The following GAS6 variants were observed in gnomAD, a reference collection of about 807,000 sequenced individuals.
GAS6 encodes growth arrest-specific protein 6.
Under a neutral mutation model 75.8 loss-of-function variants are expected in GAS6, and 41 were observed. The observed-to-expected ratio is 0.54, with a 90% CI of 0.42 to 0.70. The LOEUF (loss-of-function observed/expected upper bound fraction) is 0.70. Among genes scored for constraint, GAS6 ranks in the 30% least tolerant of loss-of-function variants. The pLI, the probability that GAS6 is intolerant of heterozygous loss-of-function variation, is 0.00. For missense variants in GAS6, 854 were observed against 940.2 expected (o/e 0.91, Z 1.20); for synonymous variants, 432 against 412.6 (o/e 1.05, Z -0.57).
chr13:113,835,966 G>A, intron 6 of GAS6: 3 of 1,098,638 alleles, frequency 2.7e-6, no homozygotes, highest in Non-Finnish European at 3.3e-6. Context: ...AGGACACGGG[G>A]CCGTAAAAAG....
At chr13:113,834,915 C>G (rs534854702) in intron 7 of GAS6, among the ~76,000 whole-genome samples, 1 of 152,372 alleles carries the variant, frequency 6.6e-6, no homozygotes, top group South Asian at 2.1e-4. Context: ...CAGGAGGGTG[C>G]TCCCAACGAG....
chr13:113,852,600 G>A (rs757761170), intron 2 of GAS6, among the ~76,000 whole-genome samples: 10 of 152,192 alleles, frequency 6.6e-5, no homozygotes, highest in Non-Finnish European at 1.3e-4. Context: ...CTCTGCTCAG[G>A]AGGGCAGTGG....
intron 3 of GAS6, chr13:113,847,180 G>A (rs540847542): frequency 6.8e-5 from 20 of 292,874 alleles, no homozygotes; most frequent in South Asian, 2.8e-4. Context: ...GGCGCAGAAC[G>A]GCACGGATGA....
rs527865341 is a variant in GAS6, at chr13:113,864,072, G to A, written c.-152C>T. 1,471 of 805,104 alleles carry A rather than the reference G, an allele frequency of 1.8e-3. 4 individuals carry two copies. Among genetic ancestry groups the A allele is most frequent in the East Asian group, 0.016 (133 of 8,374 alleles). 49.9% of individuals were successfully genotyped at this position (805,104 alleles called of 1,614,324 possible). Reference sequence around the variant, plus strand: ...GGCGGCTGCGGCACCTCAAGCGCTCGGTCTGGGCGTGTTCGGGCGGCTGCG... The same window carrying A: ...GGCGGCTGCGGCACCTCAAGCGCTCAGTCTGGGCGTGTTCGGGCGGCTGCG... On this transcript the variant is annotated 5_prime_UTR_variant, in exon 1 of 15. Transcript: ENST00000327773.
At position 113,838,149 on chromosome 13, in the gene GAS6, A is replaced by G; in HGVS notation, c.509T>C (p.Ile170Thr). The G allele has an allele frequency of 6.2e-7, 1 of 1,612,930 alleles. No homozygotes were observed. The highest frequency in any genetic ancestry group is 1.1e-5 in the South Asian group (1 of 91,084). The part of the protein sequence containing the change: ...CSQENGGCLQ[I>T]CHNKPGSFHC... ...GAAGCTACCCGGCTTGTTGTGGCAGATCTGGAGGCAGCCCCCGTTCTCCTG... is the reference window on the plus strand; with the variant it reads ...GAAGCTACCCGGCTTGTTGTGGCAGGTCTGGAGGCAGCCCCCGTTCTCCTG... Residue 170 changes from isoleucine to threonine, a missense_variant, in exon 6 of 15, where the codon ATC (isoleucine) becomes ACC (threonine). Coordinates refer to ENST00000327773, the MANE Select transcript of GAS6 (RefSeq NM_000820.4).
chr13:113,824,911 T>C lies in GAS6; in HGVS notation c.1478-1361A>G, dbSNP rs117058249. 1.1e-3 allele frequency among the ~76,000 whole-genome samples: 160 copies of C among 152,248 alleles called. 1 individual carries two copies. The East Asian group carries it at 0.024, about 23-fold the overall frequency. On this transcript the variant is annotated intron_variant, in intron 12 of 14. Coordinates refer to ENST00000327773, the MANE Select transcript of GAS6 (RefSeq NM_000820.4). ...CCATAACCTGTGAAGGGAGAGATGA[T>C]GGTGTTCTTTAAAATGGAAGCTCCC...
intron 4 of GAS6, chr13:113,841,736 C>T (rs77234782): frequency 8.1e-6 from 1 of 123,516 alleles, no homozygotes. Flanking sequence ...CCACAGTTTC[C>T]TCCATATGCC....
rs1223079204 is a variant in GAS6 at position 113,837,871 on chromosome 13, G to C, written c.589+198C>G. Among the ~76,000 whole-genome samples the C allele has an allele frequency of 1.3e-5, 2 of 152,192 alleles. No homozygotes were observed. Among genetic ancestry groups the C allele is most frequent in the Non-Finnish European group, 2.9e-5 (2 of 68,028 alleles). On this transcript the variant is annotated intron_variant, in intron 6 of 14. Transcript: ENST00000327773. This position sits in a 1 kb window ranked among gnomAD's most constrained non-coding sequence, Gnocchi z 5.1. Reference sequence around the variant, plus strand: ...CTGAGTCCTGGCCCTCAGATGCCGGGTGAGTCATCCTGGTGTGGTGCCGAG... The same window carrying C: ...CTGAGTCCTGGCCCTCAGATGCCGGCTGAGTCATCCTGGTGTGGTGCCGAG...
chr13:113,823,259 G>A, intron 13 of GAS6, 116 bp downstream of exon 13: 1 of 1,195,588 alleles, frequency 8.4e-7, no homozygotes, highest in East Asian at 2.5e-5. Flanking sequence ...CTGGTCAGAG[G>A]CTTTGGGGGT....
chr13:113,849,382 A>G (rs2082266916), intron 2 of GAS6, among the ~76,000 whole-genome samples: 1 of 152,162 alleles, frequency 6.6e-6, no homozygotes, highest in African/African-American at 2.4e-5. Flanking sequence ...GAACAGCCAT[A>G]CCAAGTGAGC....
chr13:113,839,648 C>G, intron 5 of GAS6, 80 bp downstream of exon 5: 2 of 1,557,920 alleles, frequency 1.3e-6, no homozygotes, highest in Non-Finnish European at 1.7e-6. Flanking sequence ...GGCCGTGCCC[C>G]GGAGTGGGAG....
intron 4 of GAS6, chr13:113,841,464 A>G (rs2051775188): frequency 6.7e-6 from 1 of 148,768 alleles, no homozygotes; most frequent in African/African-American, 2.6e-5. Context: ...TTTCCTCCGT[A>G]TGCCCCAGTT....
At position 113,823,525 on chromosome 13, in the gene GAS6, A is replaced by G. The variant is rs1259451315; in HGVS notation, c.1503T>C (p.Thr501=). The G allele has an allele frequency of 1.2e-6, 2 of 1,612,512 alleles. No homozygotes were observed. The highest frequency in any genetic ancestry group is 1.7e-5 in the Admixed American group (1 of 59,998). ...CGACTTCTACTTCCCAGGTTGATTC[A>G]GTCCCGACGTCCAGAGGGGTCCGCA... ...DYMRTPLDVG[T]ESTWEVEVVA... The change falls in exon 13 of 15, where the codon ACT becomes ACC. Residue 501 remains threonine, a synonymous_variant. Transcript: ENST00000327773.
At chr13:113,833,861 G>A (rs537349348) in intron 8 of GAS6, 10 of 1,033,626 alleles carry the variant, frequency 9.7e-6, no homozygotes, top group South Asian at 5.8e-5. Flanking sequence ...GTGACAGGTC[G>A]GTGTGAGACA....
In GAS6 at chr13:113,832,205, C is replaced by T. The variant is rs2051637238; in HGVS notation, c.1143+94G>A. The T allele has an allele frequency of 3.7e-6, 5 of 1,362,180 alleles. No homozygotes were observed. The Admixed American group carries it at 1.0e-4, about 28-fold the overall frequency. 84.4% of individuals were successfully genotyped at this position (1,362,180 alleles called of 1,614,324 possible). The stretch of plus-strand genomic sequence containing the variant: ...CACGCAGCAGATGCAGGCCCCAGAG[C>T]TCATCTCCTAACGGTTGCATAAGCG... On this transcript the variant is annotated intron_variant, in intron 10 of 14. Coordinates refer to ENST00000327773, the MANE Select transcript of GAS6 (RefSeq NM_000820.4).
At chr13:113,825,203 C>T (rs545569735) in intron 12 of GAS6, among the ~76,000 whole-genome samples, 41 of 131,824 alleles carry the variant, frequency 3.1e-4, no homozygotes, top group African/African-American at 1.2e-3. Flanking sequence ...CATTGTACTC[C>T]AGTGTGGGCA....
intron 10 of GAS6, among the ~76,000 whole-genome samples, chr13:113,830,760 G>A (rs1479973978): frequency 7.8e-6 from 1 of 128,084 alleles, no homozygotes; most frequent in African/African-American, 3.1e-5. Flanking sequence ...CCTCGCCTCA[G>A]GCCACCTGCC....
At chr13:113,835,383 G>C in intron 7 of GAS6, 130 bp downstream of exon 7, 2 of 1,114,830 alleles carry the variant, frequency 1.8e-6, no homozygotes, top group Non-Finnish European at 2.6e-6. Flanking sequence ...CAGGCTGATA[G>C]AAACAGGGAG....
At chr13:113,821,880 C>T in intron 14 of GAS6, 78 bp downstream of exon 14, 1 of 1,157,104 alleles carries the variant, frequency 8.6e-7, no homozygotes, top group East Asian at 2.6e-5. Flanking sequence ...CCCAGCCTGT[C>T]CAGGTTAGAT....
Sources: allele counts gnomAD v4.1 joint callset (sites outside exome capture counted in the v4.1 genomes callset), GRCh38; gene constraint gnomAD v4.1.1; non-coding constraint Gnocchi (gnomAD v3.1); transcripts MANE v1.5; gene names NCBI Gene and HGNC (gene_info 2026-07-23, HGNC 2026-07-21).